Variants in GNG12 observed in about 807,000 individuals in gnomAD.
GNG12 encodes the protein guanine nucleotide-binding protein G(I)/G(S)/G(O) subunit gamma-12.
For synonymous variants in GNG12, 28 were observed against 29.7 expected (o/e 0.94, Z 0.19); for missense variants, 69 against 83.8 (o/e 0.82, Z 0.69).
intron 1 of GNG12, among the ~76,000 whole-genome samples, chr1:67,807,728 C>T (rs1429340736): frequency 1.3e-5 from 2 of 152,058 alleles, no homozygotes; most frequent in Non-Finnish European, 2.9e-5. Context: ...AATGGACATA[C>T]TCCTTGAAAG....
intron 1 of GNG12, among the ~76,000 whole-genome samples, chr1:67,821,836 C>G (rs1646986610): frequency 6.6e-6 from 1 of 151,488 alleles, no homozygotes; most frequent in African/African-American, 2.4e-5. Context: ...AGAATACCGG[C>G]ACATCTAATC....
rs1270786261 is a variant in GNG12 at position 67,791,729 on chromosome 1, A to T, written c.-76-14222T>A. 2.6e-5 allele frequency among the ~76,000 whole-genome samples: 4 copies of T among 152,080 alleles called. No individual in the cohort carries two copies. In the East Asian group the frequency reaches 7.7e-4, roughly 29 times the overall value. ...ACTAGCAGCATCTCTCGCCTGGATG[A>T]CTTAAAGAGTTCCCTCTGCTGATCT... On this transcript the variant is annotated intron_variant, in intron 1 of 3. Coordinates refer to ENST00000370982, the MANE Select transcript of GNG12 (RefSeq NM_018841.6).
At chr1:67,783,586 T>C (rs1646750330) in intron 1 of GNG12, among the ~76,000 whole-genome samples, 1 of 152,048 alleles carries the variant, frequency 6.6e-6, no homozygotes, top group African/African-American at 2.4e-5. Context: ...AAAGGGCTAA[T>C]ATCCAGAATC....
intron 1 of GNG12, among the ~76,000 whole-genome samples, chr1:67,821,556 A>C (rs542515807): frequency 5.9e-5 from 9 of 152,296 alleles, no homozygotes; most frequent in African/African-American, 2.2e-4. Flanking sequence ...AATTCTTCCC[A>C]AAGCCTCCCA....
intron 2 of GNG12, among the ~76,000 whole-genome samples, chr1:67,720,754 G>A (rs17531147): frequency 0.053 from 7,991 of 152,156 alleles, 309 homozygotes; most frequent in Non-Finnish European, 0.085. Flanking sequence ...AAGGTTATAC[G>A]ACAAAAACTA....
intron 2 of GNG12, among the ~76,000 whole-genome samples, chr1:67,710,789 G>A (rs1350133010): frequency 2.6e-5 from 4 of 152,092 alleles, no homozygotes; most frequent in Non-Finnish European, 4.4e-5. Context: ...CTCCAACCTC[G>A]TTACTCAGAG....
intron 2 of GNG12, among the ~76,000 whole-genome samples, chr1:67,774,611 G>A (rs1436102829): frequency 1.3e-5 from 2 of 151,980 alleles, no homozygotes; most frequent in Admixed American, 6.6e-5. Flanking sequence ...CCTTCCCTAC[G>A]CTCCATTCTC....
At chr1:67,736,952 A>C (rs540489614) in intron 2 of GNG12, among the ~76,000 whole-genome samples, 1 of 152,336 alleles carries the variant, frequency 6.6e-6, no homozygotes, top group Non-Finnish European at 1.5e-5. Flanking sequence ...GCAGATGTGT[A>C]AACTGAGGGT....
At chr1:67,705,623 T>A (rs376613159) in intron 3 of GNG12, 47 bp from the exon 4 acceptor site, 2 of 1,586,890 alleles carry the variant, frequency 1.3e-6, no homozygotes, top group African/African-American at 2.7e-5. Context: ...ATATTTTACT[T>A]GCACACTTTC....
chr1:67,818,415 T>A, intron 1 of GNG12, among the ~76,000 whole-genome samples: 1 of 111,326 alleles, frequency 9.0e-6, no homozygotes, highest in Admixed American at 7.8e-5. Flanking sequence ...GACCAGGGGT[T>A]TTTTTTTTTT....
chr1:67,770,427 A>G (rs1281139486), intron 2 of GNG12, among the ~76,000 whole-genome samples: 1 of 152,208 alleles, frequency 6.6e-6, no homozygotes, highest in Non-Finnish European at 1.5e-5. Flanking sequence ...TGGATGCCAC[A>G]TCAGAAAGTG....
At chr1:67,816,508 C>A (rs1003581002) in intron 1 of GNG12, among the ~76,000 whole-genome samples, 21 of 152,208 alleles carry the variant, frequency 1.4e-4, no homozygotes, top group African/African-American at 5.1e-4. Flanking sequence ...AGTCTAGTTA[C>A]AAATTATTCA....
intron 2 of GNG12, chr1:67,772,624 T>C (rs1019738749): frequency 2.0e-5 from 3 of 152,212 alleles, no homozygotes; most frequent in Non-Finnish European, 4.4e-5. Flanking sequence ...GGAAACCTGC[T>C]AGACAAATTC....
chr1:67,755,062 T>A (rs546872251), intron 2 of GNG12, among the ~76,000 whole-genome samples: 8 of 152,394 alleles, frequency 5.2e-5, no homozygotes, highest in Middle Eastern at 3.4e-3. Context: ...GGTCTCTTCA[T>A]TCATAGAGAG....
intron 1 of GNG12, among the ~76,000 whole-genome samples, chr1:67,829,478 T>A (rs1035689831): frequency 2.6e-5 from 4 of 152,242 alleles, no homozygotes; most frequent in Non-Finnish European, 5.9e-5. Flanking sequence ...GGGGAAATAT[T>A]AAAATTTTGT....
intron 1 of GNG12, among the ~76,000 whole-genome samples, chr1:67,790,154 T>C (rs1646793415): frequency 6.6e-6 from 1 of 152,126 alleles, no homozygotes; most frequent in Admixed American, 6.6e-5. Flanking sequence ...AGGAAGACAA[T>C]TCTGAAGAAA....
At chr1:67,730,736 T>G (rs1200658816) in intron 2 of GNG12, among the ~76,000 whole-genome samples, 2 of 152,160 alleles carry the variant, frequency 1.3e-5, no homozygotes, top group Non-Finnish European at 2.9e-5. Flanking sequence ...GTATAATATT[T>G]TACTTCAATA....
At position 67,705,504 on chromosome 1, in the gene GNG12, T is replaced by C; in HGVS notation, c.166A>G (p.Ile56Val). 1 of 1,614,182 alleles carries C rather than the reference T, an allele frequency of 6.2e-7. No individual in the cohort carries two copies. The highest frequency in any genetic ancestry group is 8.5e-7 in the Non-Finnish European group (1 of 1,180,026). The change falls in exon 4 of 4, where the codon ATA (isoleucine) becomes GTA (valine). Residue 56 changes from isoleucine (I) to valine (V), a missense_variant. By Grantham distance (29) the Ile-to-Val change is conservative. Transcript: ENST00000370982. Reference sequence around the variant, plus strand: ...TTGAAAGGGTTTTCTGAAGTTGGTATTCCTATCAGCAAAGGGTCACTCCTG... The same window carrying C: ...TTGAAAGGGTTTTCTGAAGTTGGTACTCCTATCAGCAAAGGGTCACTCCTG... ...HARSDPLLIG[I>V]PTSENPFKDK...
chr1:67,766,148 A>ACACC (rs756645057), intron 2 of GNG12, among the ~76,000 whole-genome samples: 2,372 of 133,500 alleles, frequency 0.018, 41 homozygotes, highest in East Asian at 0.055. Flanking sequence ...ACACACACAC[A>ACACC]CCCCTAAACA....
Sources: gnomAD v4.1 joint callset for allele counts (sites outside exome capture counted in the v4.1 genomes callset) on GRCh38, gnomAD v4.1.1 for gene constraint, MANE v1.5 for transcripts, NCBI Gene and HGNC (gene_info 2026-07-23, HGNC 2026-07-21) for gene names.